Variants in C2orf76 observed in about 807,000 individuals in gnomAD.
C2orf76 encodes chromosome 2 open reading frame 76, also known as UPF0538 protein C2orf76.
Under a neutral mutation model 16.9 loss-of-function variants are expected in C2orf76, and 23 were observed. The ratio of observed to expected loss-of-function variants is 1.36; its 90% CI spans 0.98 to 1.93. C2orf76 has a LOEUF of 1.93. Ranked by LOEUF, C2orf76 falls within the 30% of genes most tolerant of loss-of-function variation. The pLI is 0.00. For missense variants in C2orf76, 152 were observed against 152.6 expected (o/e 1.00, Z 0.02); for synonymous variants, 48 against 52.3 (o/e 0.92, Z 0.35).
downstream of C2orf76, among the ~76,000 whole-genome samples, chr2:119,298,154 A>T (rs1678567619): frequency 6.6e-6 from 1 of 152,194 alleles, no homozygotes; most frequent in Non-Finnish European, 1.5e-5. Context: ...TTATGAAATT[A>T]TGGCATACGC....
chr2:119,307,569 G>T (rs780205380), intron 5 of C2orf76, among the ~76,000 whole-genome samples: 13 of 151,972 alleles, frequency 8.6e-5, no homozygotes, highest in Non-Finnish European at 1.3e-4. Context: ...CAAGAGCATA[G>T]CAACACCACT....
chr2:119,284,334 A>C, the C2orf76 span, among the ~76,000 whole-genome samples: 1 of 152,176 alleles, frequency 6.6e-6, no homozygotes, highest in Non-Finnish European at 1.5e-5. Flanking sequence ...CCACAAAGGC[A>C]TAAGTAGGCT....
At chr2:119,335,336 T>A (rs1679814026) in intron 2 of C2orf76, among the ~76,000 whole-genome samples, 1 of 151,212 alleles carries the variant, frequency 6.6e-6, no homozygotes, top group Non-Finnish European at 1.5e-5. Flanking sequence ...TCTAACACAA[T>A]TTTCCACTAA....
the C2orf76 span, among the ~76,000 whole-genome samples, chr2:119,283,222 C>G: frequency 6.6e-6 from 1 of 152,122 alleles, no homozygotes; most frequent in Non-Finnish European, 1.5e-5. Flanking sequence ...GGGGTGCAGG[C>G]GCTTAGCACT....
chr2:119,323,224 T>C (rs1679403381), intron 2 of C2orf76, among the ~76,000 whole-genome samples: 1 of 151,678 alleles, frequency 6.6e-6, no homozygotes, highest in South Asian at 2.1e-4. Flanking sequence ...TTTCACTAGG[T>C]TGCCCAGGCT....
intron 1 of C2orf76, among the ~76,000 whole-genome samples, chr2:119,347,190 C>T (rs1680230934): frequency 6.6e-6 from 1 of 152,116 alleles, no homozygotes; most frequent in Non-Finnish European, 1.5e-5. Context: ...AGTTTATCAG[C>T]TATGACAGGG....
rs1296296782 is a variant in C2orf76 at position 119,311,383 on chromosome 2, T to C, written c.304+239A>G. 5 of 985,340 alleles carry C rather than the reference T, an allele frequency of 5.1e-6. No individual in the cohort carries two copies. The African/African-American group carries it at 8.7e-5, about 17-fold the overall frequency. 61.0% of individuals were successfully genotyped at this position (985,340 alleles called of 1,614,324 possible). ...ATGACCCTCAGGAGAATTCTGAGCA[T>C]ACCTTCTGAAAACAGCCATTTGCAT... On this transcript the variant is annotated intron_variant, in intron 5 of 5. Coordinates refer to ENST00000334816, the MANE Select transcript of C2orf76 (RefSeq NM_001322331.2).
intron 4 of C2orf76, among the ~76,000 whole-genome samples, chr2:119,312,220 A>G (rs1257536263): frequency 6.6e-6 from 1 of 152,044 alleles, no homozygotes; most frequent in Admixed American, 6.6e-5. Context: ...GGCCAGTCCG[A>G]CTTCTGAGAG....
At chr2:119,328,458 T>C (rs1170524940) in intron 2 of C2orf76, among the ~76,000 whole-genome samples, 2 of 152,216 alleles carry the variant, frequency 1.3e-5, no homozygotes, top group African/African-American at 4.8e-5. Context: ...TCTGTAGTGA[T>C]ATGACAACTG....
the C2orf76 span, among the ~76,000 whole-genome samples, chr2:119,283,223 G>A: frequency 2.0e-5 from 3 of 151,944 alleles, no homozygotes; most frequent in Non-Finnish European, 2.9e-5. Flanking sequence ...GGGTGCAGGC[G>A]CTTAGCACTC....
chr2:119,335,294 C>G lies in C2orf76; in HGVS notation c.133+4533G>C, dbSNP rs560724520. 3.5e-4 allele frequency among the ~76,000 whole-genome samples: 54 copies of G among 152,262 alleles called. No homozygotes were observed. The South Asian group carries it at 0.011, about 32-fold the overall frequency. The stretch of plus-strand genomic sequence containing the variant: ...AAAGAAAGAAAGAACACTCTAGTAG[C>G]AATGAACACATCTAGTACCTAGATC... On this transcript the variant is annotated intron_variant, in intron 2 of 5. Transcript: ENST00000334816.
Position 119,360,108 on chromosome 2 carries a change from G to A in C2orf76, c.-13+6682C>T, listed in dbSNP as rs549325729. Among the ~76,000 whole-genome samples, 5 of 152,238 alleles carry A rather than the reference G, an allele frequency of 3.3e-5. No individual in the cohort carries two copies. The South Asian group carries it at 8.3e-4, about 25-fold the overall frequency. On this transcript the variant is annotated intron_variant, in intron 1 of 5. Coordinates refer to ENST00000334816, the MANE Select transcript of C2orf76 (RefSeq NM_001322331.2). The stretch of plus-strand genomic sequence containing the variant: ...CCATCAACATTGAGGCAAGACCCTC[G>A]ACCAGCAAAAGGATCATGACTCGTT...
chr2:119,325,596 G>T (rs1229132384), intron 2 of C2orf76, among the ~76,000 whole-genome samples: 1 of 152,130 alleles, frequency 6.6e-6, no homozygotes, highest in Admixed American at 6.5e-5. Context: ...TAGCCTAGGG[G>T]AGACAGAGCA....
chr2:119,324,265 C>G (rs562651196), intron 2 of C2orf76, among the ~76,000 whole-genome samples: 1 of 152,316 alleles, frequency 6.6e-6, no homozygotes, highest in South Asian at 2.1e-4. Flanking sequence ...ACGACCAGGA[C>G]ACAGCGAGCA....
chr2:119,287,945 G>C, the C2orf76 span, among the ~76,000 whole-genome samples: 5,883 of 152,044 alleles, frequency 0.039, 366 homozygotes, highest in African/African-American at 0.13. Context: ...TTTACCTATG[G>C]TGACAGAAAT....
At chr2:119,354,847 C>T (rs1680519008) in intron 1 of C2orf76, among the ~76,000 whole-genome samples, 1 of 152,234 alleles carries the variant, frequency 6.6e-6, no homozygotes, top group Admixed American at 6.5e-5. Context: ...AGCTAATCTG[C>T]TGACTGGCAC....
intron 2 of C2orf76, among the ~76,000 whole-genome samples, chr2:119,335,728 G>A (rs1176335179): frequency 3.3e-5 from 5 of 152,124 alleles, no homozygotes; most frequent in Admixed American, 1.3e-4. Flanking sequence ...CTTAATCAAC[G>A]TCAATGTCAA....
chr2:119,305,556 C>T (rs79647606), intron 5 of C2orf76, among the ~76,000 whole-genome samples: 4,789 of 152,282 alleles, frequency 0.031, 92 homozygotes, highest in South Asian at 0.079. Context: ...GCCTGAGACA[C>T]ACGCACTGAT....
At chr2:119,310,087 T>C (rs534527148) in intron 5 of C2orf76, among the ~76,000 whole-genome samples, 1 of 152,368 alleles carries the variant, frequency 6.6e-6, no homozygotes, top group East Asian at 1.9e-4. Flanking sequence ...TTATTTGAAA[T>C]GTCAACTTTA....
Sources: allele counts gnomAD v4.1 joint callset (sites outside exome capture counted in the v4.1 genomes callset), GRCh38; gene constraint gnomAD v4.1.1; transcripts MANE v1.5; gene names NCBI Gene and HGNC (gene_info 2026-07-23, HGNC 2026-07-21).